Variants in UGT1A8 observed in about 807,000 individuals in gnomAD.
UGT1A8 encodes the protein UDP glucuronosyltransferase family 1 member A8, also known as UDP-glucuronosyltransferase 1A8.
A neutral mutation model predicts 45.3 loss-of-function variants in UGT1A8; 39 were observed. The observed-to-expected ratio is 0.86, with a 90% confidence interval of 0.67 to 1.12. The LOEUF is 1.12. Ranked by LOEUF, UGT1A8 falls within the 50% of genes most tolerant of loss-of-function variation. The pLI is 0.00. For missense variants in UGT1A8, 719 were observed against 664.9 expected, an observed-to-expected ratio of 1.08 and a Z score of -0.90; for synonymous variants, 275 against 249.2, an observed-to-expected ratio of 1.10 and a Z score of -0.97.
intron 1 of UGT1A8, among the ~76,000 whole-genome samples, chr2:233,749,753 G>C (rs1694269310): frequency 1.3e-5 from 2 of 151,876 alleles, no homozygotes; most frequent in South Asian, 2.1e-4. Flanking sequence ...TAGTGAGTGA[G>C]TTCTTATGAG....
At position 233,629,145 on chromosome 2, in the gene UGT1A8, A is replaced by T. The variant is rs140391449; in HGVS notation, c.855+10583A>T. Among the ~76,000 whole-genome samples, 85 of 152,214 alleles carry T rather than the reference A, an allele frequency of 5.6e-4. 2 individuals are homozygous for T. In the East Asian group the frequency reaches 0.016, roughly 28 times the overall value. On this transcript the variant is annotated intron_variant, in intron 1 of 4. Transcript: ENST00000373450. Reference sequence around the variant, plus strand: ...TCCCCCCTCCTCTCAGCCCTTGCCAACCAGCATTCCACTCTTTTATTCTAC... The same window carrying T: ...TCCCCCCTCCTCTCAGCCCTTGCCATCCAGCATTCCACTCTTTTATTCTAC...
intron 1 of UGT1A8, chr2:233,693,980 G>T: frequency 6.4e-7 from 1 of 1,558,524 alleles, no homozygotes. Context: ...GAAACGGTGG[G>T]GGGAAGTGAT....
rs371021401 is a variant in UGT1A8, at chr2:233,729,953, T to C, written c.856-37081T>C. The stretch of plus-strand genomic sequence containing the variant: ...CCAATCATGCCCAACATGGTCTTCA[T>C]TGGGGGCATCAACTGTGCCAACAGG... On this transcript the variant is annotated intron_variant, in intron 1 of 4. Transcript: ENST00000373450. 4.9e-4 allele frequency: 788 copies of C among 1,614,064 alleles called. 2 individuals are homozygous for C. In the South Asian group the frequency reaches 7.7e-3, roughly 16 times the overall value.
chr2:233,658,018 CTTTTT>C (rs34352422), intron 1 of UGT1A8, among the ~76,000 whole-genome samples: 6 of 128,070 alleles, frequency 4.7e-5, no homozygotes, highest in African/African-American at 5.8e-5. Context: ...GTTTCCTCCT[CTTTTT>C]TTTTTTTTTT....
chr2:233,713,886 A>T (rs745467291), intron 1 of UGT1A8: 80 of 1,613,392 alleles, frequency 5.0e-5, no homozygotes, highest in Non-Finnish European at 6.3e-5. Context: ...TATCCAATCA[A>T]TGTTCCAGGC....
At chr2:233,733,885 A>AGCTCCTG (rs2078449357) in intron 1 of UGT1A8, among the ~76,000 whole-genome samples, 1 of 152,018 alleles carries the variant, frequency 6.6e-6, no homozygotes, top group Non-Finnish European at 1.5e-5. Flanking sequence ...GAATGGTACC[A>AGCTCCTG]GCTCCTGTTT....
intron 1 of UGT1A8, among the ~76,000 whole-genome samples, chr2:233,627,891 C>T (rs766913672): frequency 2.6e-5 from 4 of 151,940 alleles, no homozygotes; most frequent in Non-Finnish European, 5.9e-5. Context: ...TACAATATTG[C>T]ACCAAACATG....
In UGT1A8 at chr2:233,617,848, A is replaced by T. The variant is rs767310198; in HGVS notation, c.141A>T (p.Lys47Asn). 11 of 1,614,094 alleles carry T rather than the reference A, an allele frequency of 6.8e-6. No homozygotes were observed. The highest frequency in any genetic ancestry group is 9.3e-6 in the Non-Finnish European group (11 of 1,180,002). The change falls in exon 1 of 5, where the codon AAA becomes AAT. Residue 47 changes from lysine (K) to asparagine (N), a missense_variant. Coordinates refer to ENST00000373450, the MANE Select transcript of UGT1A8 (RefSeq NM_019076.5). The stretch of plus-strand genomic sequence containing the variant: ...TCACCATGCAGTCGGTGGTGGAGAA[A>T]CTTATCCTCAGGGGGCATGAGGTGG... The part of the protein sequence containing the change: ...HWFTMQSVVE[K>N]LILRGHEVVV...
chr2:233,768,231 A>T lies in UGT1A8; in HGVS notation c.1087A>T (p.Thr363Ser). ...PQNDLLGHPM[T>S]RAFITHAGSH... ...ATTTTGCATCTCAGGTCACCCGATG[A>T]CCCGTGCCTTTATCACCCATGCTGG... The change falls in exon 4 of 5, where the codon ACC (threonine) becomes TCC (serine). Residue 363 changes from threonine to serine, a missense_variant. Physicochemically the swap from Thr to Ser is moderately conservative, Grantham distance 58. Coordinates refer to ENST00000373450, the MANE Select transcript of UGT1A8 (RefSeq NM_019076.5). 1 of 1,614,162 alleles carries T rather than the reference A, an allele frequency of 6.2e-7. No individual in the cohort carries two copies. Among genetic ancestry groups the T allele is most frequent in the Middle Eastern group, 1.6e-4 (1 of 6,062 alleles).
chr2:233,705,482 AATG>A (rs1195612054), intron 1 of UGT1A8, among the ~76,000 whole-genome samples: 1 of 152,198 alleles, frequency 6.6e-6, no homozygotes, highest in Non-Finnish European at 1.5e-5. Context: ...AGGCAAATTT[AATG>A]ATAATAAATA....
At chr2:233,638,266 T>G (rs1205273109) in intron 1 of UGT1A8, among the ~76,000 whole-genome samples, 3 of 152,206 alleles carry the variant, frequency 2.0e-5, no homozygotes, top group Non-Finnish European at 2.9e-5. Context: ...CATTTATTCC[T>G]TGGCATTTTA....
intron 1 of UGT1A8, among the ~76,000 whole-genome samples, chr2:233,666,395 C>G (rs1006985987): frequency 2.0e-5 from 3 of 152,112 alleles, no homozygotes; most frequent in Non-Finnish European, 4.4e-5. Context: ...GCTATTTTAA[C>G]GGGATGTGGA....
At chr2:233,620,902 T>C (rs2072992230) in intron 1 of UGT1A8, among the ~76,000 whole-genome samples, 1 of 152,052 alleles carries the variant, frequency 6.6e-6, no homozygotes, top group Non-Finnish European at 1.5e-5. Flanking sequence ...AGATTCAGAG[T>C]GTGAGTCTCA....
chr2:233,717,356 G>A (rs1181500345), intron 1 of UGT1A8, among the ~76,000 whole-genome samples: 1 of 152,158 alleles, frequency 6.6e-6, no homozygotes, highest in Admixed American at 6.5e-5. Flanking sequence ...CCTCCCCTGG[G>A]GAGTTCTCAA....
intron 1 of UGT1A8, chr2:233,754,464 G>A (rs748886391): frequency 1.4e-5 from 5 of 356,342 alleles, no homozygotes; most frequent in Non-Finnish European, 2.2e-5. Flanking sequence ...CAGCTGTTCT[G>A]AAAGTAAAGT....
rs192599700 is a variant in UGT1A8, at chr2:233,747,215, T to C, written c.856-19819T>C. 3.6e-4 allele frequency: 574 copies of C among 1,605,522 alleles called. 5 individuals are homozygous for C. In the East Asian group the frequency reaches 0.012, roughly 33 times the overall value. On this transcript the variant is annotated intron_variant, in intron 1 of 4. Coordinates refer to ENST00000373450, the MANE Select transcript of UGT1A8 (RefSeq NM_019076.5). ...CAGCTGTCCGTGTCTTCTGCTGAGA[T>C]GGCCACAGGACCCCAGGTTCCCCTG...
intron 1 of UGT1A8, among the ~76,000 whole-genome samples, chr2:233,656,233 A>G (rs530358691): frequency 6.6e-6 from 1 of 152,294 alleles, no homozygotes; most frequent in East Asian, 1.9e-4. Context: ...ATTTAAATGG[A>G]TTACAATTAG....
chr2:233,753,256 C>T (rs1695165978), intron 1 of UGT1A8: 1 of 152,214 alleles, frequency 6.6e-6, no homozygotes, highest in African/African-American at 2.4e-5. Flanking sequence ...AGCAACTACC[C>T]AGGCACCTTG....
At chr2:233,713,375 T>C in intron 1 of UGT1A8, 1 of 1,614,192 alleles carries the variant, frequency 6.2e-7, no homozygotes, top group Non-Finnish European at 8.5e-7. Flanking sequence ...ATAGGTCTTG[T>C]GTGGAGCTAC....
Sources: allele counts gnomAD v4.1 joint callset (sites outside exome capture counted in the v4.1 genomes callset), GRCh38; gene constraint gnomAD v4.1.1; transcripts MANE v1.5; gene names NCBI Gene and HGNC (gene_info 2026-07-23, HGNC 2026-07-21).